Variants in NREP observed in about 807,000 individuals in gnomAD.
NREP encodes neuronal regeneration-related protein.
A neutral mutation model predicts 8.6 loss-of-function variants in NREP; 5 were observed. The observed-to-expected ratio is 0.58, with a 90% CI of 0.30 to 1.22. NREP has a LOEUF of 1.22. Ranked by LOEUF, NREP falls within the 50% of genes most tolerant of loss-of-function variation. The pLI is 0.07. For missense variants in NREP, 86 were observed against 82.5 expected, an observed-to-expected ratio of 1.04 and a Z score of -0.17; for synonymous variants, 27 against 28.0, an observed-to-expected ratio of 0.96 and a Z score of 0.11.
At chr5:111,775,916 G>A (rs1751345976) in intron 2 of NREP, among the ~76,000 whole-genome samples, 1 of 151,970 alleles carries the variant, frequency 6.6e-6, no homozygotes, top group South Asian at 2.1e-4. Context: ...CACAATAAAG[G>A]AATGATAAGT....
At chr5:111,791,490 G>GT (rs1423733214) in intron 2 of NREP, among the ~76,000 whole-genome samples, 1 of 151,898 alleles carries the variant, frequency 6.6e-6, no homozygotes, top group Non-Finnish European at 1.5e-5. Flanking sequence ...TTTTTTGTTT[G>GT]TTTTTTGAGA....
chr5:111,906,571 A>C (rs1293861875), intron 2 of NREP, among the ~76,000 whole-genome samples: 2 of 152,086 alleles, frequency 1.3e-5, no homozygotes, highest in Non-Finnish European at 2.9e-5. Flanking sequence ...TTAGATAATA[A>C]AGCATTTTAG....
chr5:111,806,154 G>C (rs769086847), intron 2 of NREP, among the ~76,000 whole-genome samples: 1 of 152,178 alleles, frequency 6.6e-6, no homozygotes, highest in African/African-American at 2.4e-5. Flanking sequence ...GTTAGGCTTA[G>C]AAGAACAGGC....
intron 1 of NREP, among the ~76,000 whole-genome samples, chr5:111,756,428 T>C (rs1299762903): frequency 2.0e-5 from 3 of 151,994 alleles, no homozygotes; most frequent in African/African-American, 4.8e-5. Flanking sequence ...TCAACCTTTA[T>C]ATTATCAGAA....
intron 2 of NREP, among the ~76,000 whole-genome samples, chr5:111,927,271 C>T (rs560510145): frequency 2.6e-5 from 4 of 152,162 alleles, no homozygotes; most frequent in African/African-American, 9.6e-5. Context: ...ATATCTTGAG[C>T]TTTCAAATTT....
At chr5:111,887,246 C>G (rs141618623) in intron 2 of NREP, among the ~76,000 whole-genome samples, 2 of 152,058 alleles carry the variant, frequency 1.3e-5, no homozygotes, top group African/African-American at 2.4e-5. Context: ...TTAAACCCTC[C>G]GGTACATTAT....
chr5:111,751,056 G>T (rs571218157), intron 2 of NREP, among the ~76,000 whole-genome samples: 31 of 152,190 alleles, frequency 2.0e-4, no homozygotes, highest in Admixed American at 3.9e-4. Context: ...AACTAAACAC[G>T]ATTAAATCAT....
intron 2 of NREP, among the ~76,000 whole-genome samples, chr5:111,842,731 T>C (rs1753060956): frequency 6.6e-6 from 1 of 152,180 alleles, no homozygotes. Context: ...AAGAATTCCC[T>C]TTAGCATTTC....
At chr5:111,967,408 T>C (rs1034479775) in intron 2 of NREP, among the ~76,000 whole-genome samples, 3 of 152,222 alleles carry the variant, frequency 2.0e-5, no homozygotes, top group African/African-American at 7.2e-5. Flanking sequence ...TCCTGATTAA[T>C]TTTTTTCAGA....
At chr5:111,804,713 AC>A in intron 2 of NREP, among the ~76,000 whole-genome samples, 2 of 152,144 alleles carry the variant, frequency 1.3e-5, no homozygotes, top group Middle Eastern at 6.8e-3. Context: ...AAAAAAACAA[AC>A]AAACAGAGCC....
At chr5:111,959,741 A>G (rs1756430464) in intron 2 of NREP, among the ~76,000 whole-genome samples, 1 of 152,062 alleles carries the variant, frequency 6.6e-6, no homozygotes, top group African/African-American at 2.4e-5. Context: ...TTAAGAAGCA[A>G]TTTATCATCA....
chr5:111,817,893 CAT>C (rs1752431071), intron 2 of NREP, among the ~76,000 whole-genome samples: 1 of 150,154 alleles, frequency 6.7e-6, no homozygotes, highest in Non-Finnish European at 1.5e-5. Context: ...AAATATTTCA[CAT>C]GTGTAAGAAT....
At chr5:111,779,643 C>T (rs368679648) in intron 2 of NREP, among the ~76,000 whole-genome samples, 1 of 152,170 alleles carries the variant, frequency 6.6e-6, no homozygotes, top group African/African-American at 2.4e-5. Context: ...TGTATTATGG[C>T]TTGCCCGTGA....
At chr5:111,937,462 T>G (rs1456990194) in intron 2 of NREP, among the ~76,000 whole-genome samples, 1 of 152,080 alleles carries the variant, frequency 6.6e-6, no homozygotes, top group Non-Finnish European at 1.5e-5. Flanking sequence ...AAATACTAAT[T>G]TTCTATATAC....
At chr5:111,910,275 T>G (rs1754876388) in intron 2 of NREP, among the ~76,000 whole-genome samples, 1 of 151,984 alleles carries the variant, frequency 6.6e-6, no homozygotes, top group African/African-American at 2.4e-5. Context: ...GTGGAAGCAT[T>G]TACAATTTTT....
At chr5:111,822,837 T>G (rs1348299673) in intron 2 of NREP, among the ~76,000 whole-genome samples, 2 of 152,244 alleles carry the variant, frequency 1.3e-5, no homozygotes, top group Non-Finnish European at 2.9e-5. Context: ...TTGTCATTAG[T>G]ATGCAGAAAA....
rs34538408 is a variant in NREP at position 111,770,554 on chromosome 5, CTTTTTTTTTTTT to C, written c.136-35059_136-35048del. Among the ~76,000 whole-genome samples, 361 of 73,602 alleles carry C rather than the reference CTTTTTTTTTTTT, an allele frequency of 4.9e-3. 2 individuals carry two copies. The highest frequency in any genetic ancestry group is 0.017 in the African/African-American group (345 of 20,148). 48.3% of individuals were successfully genotyped at this position (73,602 alleles called of 152,430 possible). On this transcript the variant is annotated intron_variant, in intron 2 of 3. Coordinates refer to the NREP transcript ENST00000395634. ...TTATTTGGTAAAGAAGAATTATTTC[CTTTTTTTTTTTT>C]TTTTTTTTTTTTTTTTTTGAGACAG...
rs1414367957 is a variant in NREP at position 111,733,477 on chromosome 5, T to G, written c.81+1953A>C. 2.0e-5 allele frequency: 3 copies of G among 151,930 alleles called. No homozygotes were observed. The East Asian group carries it at 5.8e-4, about 29-fold the overall frequency. 9.4% of individuals were successfully genotyped at this position (151,930 alleles called of 1,614,324 possible). A position where few individuals can be genotyped will look rare whatever the true frequency, so the allele number is the denominator to read the frequency against. ...TTTCAATCCTCTTCCCCTGACTGATTTCAATCCACACACCCTCCCACTATT... is the reference window on the plus strand; with the variant it reads ...TTTCAATCCTCTTCCCCTGACTGATGTCAATCCACACACCCTCCCACTATT... On this transcript the variant is annotated intron_variant, in intron 3 of 3. Transcript: ENST00000257435.
intron 2 of NREP, among the ~76,000 whole-genome samples, chr5:111,919,757 G>GT: frequency 6.6e-6 from 1 of 151,912 alleles, no homozygotes. Context: ...AACATTAGGA[G>GT]AAATAACTAA....
Sources: gnomAD v4.1 joint callset for allele counts (sites outside exome capture counted in the v4.1 genomes callset) on GRCh38, gnomAD v4.1.1 for gene constraint, MANE v1.5 for transcripts, NCBI Gene and HGNC (gene_info 2026-07-23, HGNC 2026-07-21) for gene names.